NRXN1: variants seen among roughly 807,000 people sequenced by gnomAD.
NRXN1 encodes neurexin-1.
In NRXN1, 39 loss-of-function variants were observed where a neutral mutation model predicts 150.9. The ratio of observed to expected loss-of-function variants is 0.26; its 90% CI spans 0.20 to 0.34. The LOEUF (loss-of-function observed/expected upper bound fraction) is 0.34, where lower values mean the gene tolerates loss of function less well. NRXN1 is among the 10% of genes least tolerant of loss of function. NRXN1 has a pLI of 1.00. For missense variants in NRXN1, 1,815 were observed against 1,949.9 expected (o/e 0.93, Z 1.30); for synonymous variants, 924 against 757.0 (o/e 1.22, Z -3.62).
intron 5 of NRXN1, chr2:50,912,378 A>G (rs1684644483): frequency 6.6e-6 from 1 of 151,954 alleles, no homozygotes; most frequent in East Asian, 1.9e-4. Context: ...AGGGTTACAT[A>G]TTGCATGTGA....
At chr2:50,756,872 C>G (rs1259697089) in intron 5 of NRXN1, among the ~76,000 whole-genome samples, 1 of 151,780 alleles carries the variant, frequency 6.6e-6, no homozygotes, top group Non-Finnish European at 1.5e-5. Flanking sequence ...CTAAAAGAAT[C>G]AATAAATATA....
At chr2:50,114,933 G>A (rs1348378220) in intron 18 of NRXN1, among the ~76,000 whole-genome samples, 1 of 151,764 alleles carries the variant, frequency 6.6e-6, no homozygotes, top group African/African-American at 2.4e-5. Flanking sequence ...TATTATAATG[G>A]TTAGTACTAG....
intron 21 of NRXN1, among the ~76,000 whole-genome samples, chr2:50,046,199 G>A (rs565335853): frequency 5.3e-5 from 8 of 152,134 alleles, no homozygotes; most frequent in Admixed American, 1.3e-4. Flanking sequence ...ACAGCTCTTC[G>A]TTGTCCAGGA....
At chr2:50,977,303 AAG>A (rs575654458) in intron 2 of NRXN1, among the ~76,000 whole-genome samples, 231 of 152,064 alleles carry the variant, frequency 1.5e-3, no homozygotes, top group African/African-American at 5.1e-3. Flanking sequence ...TTCATAAGGA[AAG>A]AAAATCTAAT....
At chr2:50,822,186 T>TA (rs1258071332) in intron 5 of NRXN1, among the ~76,000 whole-genome samples, 4 of 152,088 alleles carry the variant, frequency 2.6e-5, no homozygotes, top group Admixed American at 2.6e-4. Context: ...TTTTAAAATA[T>TA]AAAACAAAGT....
intron 2 of NRXN1, among the ~76,000 whole-genome samples, chr2:51,019,245 AGCAAGT>A (rs1260989077): frequency 2.6e-4 from 40 of 152,232 alleles, no homozygotes; most frequent in Admixed American, 4.6e-4. Context: ...CTGAACTTTT[AGCAAGT>A]GATCTCTTCT....
chr2:50,070,637 G>T (rs1696119997), intron 19 of NRXN1, among the ~76,000 whole-genome samples: 1 of 151,286 alleles, frequency 6.6e-6, no homozygotes, highest in African/African-American at 2.4e-5. Context: ...GGGCGTAGTG[G>T]CGGGCGCCTG....
chr2:50,862,505 A>C (rs1380519472), intron 5 of NRXN1, among the ~76,000 whole-genome samples: 1 of 152,030 alleles, frequency 6.6e-6, no homozygotes, highest in Non-Finnish European at 1.5e-5. Flanking sequence ...TCTAAGGTCA[A>C]CTCATGTGTA....
intron 19 of NRXN1, among the ~76,000 whole-genome samples, chr2:50,076,681 T>C (rs750895110): frequency 2.6e-5 from 4 of 152,200 alleles, no homozygotes; most frequent in Non-Finnish European, 5.9e-5. Context: ...GTTTGATCAT[T>C]TGATGTGTGG....
intron 17 of NRXN1, among the ~76,000 whole-genome samples, chr2:50,427,790 G>C (rs577057232): frequency 1.3e-5 from 2 of 152,002 alleles, no homozygotes; most frequent in Non-Finnish European, 2.9e-5. Flanking sequence ...TAACTTCTTC[G>C]AATACATTTT....
chr2:50,443,028 G>A (rs1187136509), intron 17 of NRXN1, among the ~76,000 whole-genome samples: 1 of 152,164 alleles, frequency 6.6e-6, no homozygotes, highest in Non-Finnish European at 1.5e-5. Flanking sequence ...GGGTTGAATA[G>A]TGAACGTGGG....
chr2:50,188,426 GA>G (rs1205202720), intron 18 of NRXN1, among the ~76,000 whole-genome samples: 1 of 152,068 alleles, frequency 6.6e-6, no homozygotes, highest in Non-Finnish European at 1.5e-5. Flanking sequence ...AACCCTACAA[GA>G]AAACCTAGGC....
chr2:50,951,347 G>A (rs1469281815), intron 2 of NRXN1, among the ~76,000 whole-genome samples: 4 of 152,070 alleles, frequency 2.6e-5, no homozygotes, highest in Non-Finnish European at 5.9e-5. Context: ...GGTACTAAAC[G>A]TCCCATAATG....
chr2:50,423,564 A>T (rs1332992295), intron 17 of NRXN1, among the ~76,000 whole-genome samples: 1 of 152,206 alleles, frequency 6.6e-6, no homozygotes, highest in Non-Finnish European at 1.5e-5. Context: ...AGAGATAAGG[A>T]AGCGAGATAT....
chr2:50,475,146 T>A (rs2089885986), intron 15 of NRXN1, among the ~76,000 whole-genome samples: 1 of 152,070 alleles, frequency 6.6e-6, no homozygotes, highest in Non-Finnish European at 1.5e-5. Context: ...GACTAATGAA[T>A]GTAGTAGAGT....
intron 9 of NRXN1, among the ~76,000 whole-genome samples, chr2:50,542,406 G>A (rs2093411968): frequency 6.6e-6 from 1 of 152,170 alleles, no homozygotes; most frequent in Admixed American, 6.5e-5. Flanking sequence ...CTTAAATTGA[G>A]CTCTGGATTC....
chr2:50,536,604 C>A (rs1429323685), intron 10 of NRXN1, among the ~76,000 whole-genome samples: 3 of 152,152 alleles, frequency 2.0e-5, no homozygotes, highest in Non-Finnish European at 4.4e-5. Context: ...CTTTTTTCAG[C>A]TTCACTTAAC....
chr2:49,935,725 G>A (rs1670916068), intron 22 of NRXN1, among the ~76,000 whole-genome samples: 1 of 152,188 alleles, frequency 6.6e-6, no homozygotes, highest in African/African-American at 2.4e-5. Context: ...TATCATCTGA[G>A]CAAATGTAAT....
At chr2:50,165,968 C>T (rs1301112810) in intron 18 of NRXN1, among the ~76,000 whole-genome samples, 3 of 152,054 alleles carry the variant, frequency 2.0e-5, no homozygotes, top group Non-Finnish European at 4.4e-5. Flanking sequence ...TTTGCAATGA[C>T]CCTTATCTTT....
Sources: gnomAD v4.1 joint callset for allele counts (sites outside exome capture counted in the v4.1 genomes callset) on GRCh38, gnomAD v4.1.1 for gene constraint, MANE v1.5 for transcripts, NCBI Gene and HGNC (gene_info 2026-07-23, HGNC 2026-07-21) for gene names.